STRBP: variants seen among roughly 807,000 people sequenced by gnomAD.
The protein encoded by STRBP is spermatid perinuclear RNA-binding protein.
In STRBP, 13 loss-of-function variants were observed where a neutral mutation model predicts 80.1. The observed-to-expected ratio is 0.16, with a 90% CI of 0.11 to 0.26. The LOEUF (loss-of-function observed/expected upper bound fraction) is 0.26. STRBP is among the 10% of genes least tolerant of loss of function. The pLI, the probability that STRBP is intolerant of heterozygous loss-of-function variation, is 1.00. For missense variants in STRBP, 485 were observed against 815.2 expected (o/e 0.59, Z 4.93); for synonymous variants, 284 against 291.2 (o/e 0.98, Z 0.25).
At chr9:123,196,500 A>G (rs939276604) in intron 2 of STRBP, among the ~76,000 whole-genome samples, 4 of 152,142 alleles carry the variant, frequency 2.6e-5, no homozygotes, top group African/African-American at 9.7e-5. Context: ...CAGATTAATA[A>G]CCAAAATATA....
chr9:123,148,338 C>T (rs931561467), intron 11 of STRBP, among the ~76,000 whole-genome samples: 1 of 152,184 alleles, frequency 6.6e-6, no homozygotes, highest in Admixed American at 6.5e-5. Flanking sequence ...TGAGCCCTCA[C>T]GAGACAGCAA....
intron 2 of STRBP, among the ~76,000 whole-genome samples, chr9:123,214,313 T>C (rs1370870907): frequency 6.6e-6 from 1 of 152,038 alleles, no homozygotes; most frequent in Admixed American, 6.6e-5. Flanking sequence ...TTCTCACTAA[T>C]AAGAGGGAGC....
At chr9:123,238,127 G>T (rs2040609472) in intron 1 of STRBP, among the ~76,000 whole-genome samples, 1 of 152,236 alleles carries the variant, frequency 6.6e-6, no homozygotes, top group Non-Finnish European at 1.5e-5. Flanking sequence ...ATAGCACACA[G>T]CAGTAACAGT....
chr9:123,152,142 GATCCGTA>G (rs1325364482), intron 11 of STRBP, among the ~76,000 whole-genome samples: 2 of 152,106 alleles, frequency 1.3e-5, no homozygotes, highest in Non-Finnish European at 2.9e-5. Flanking sequence ...AAGGGAATCA[GATCCGTA>G]ATTTAAAACA....
intron 3 of STRBP, chr9:123,113,041 G>A (rs1369214850): frequency 6.0e-6 from 1 of 167,086 alleles, no homozygotes; most frequent in Non-Finnish European, 1.5e-5. Context: ...AATAAAGGTG[G>A]GGTGCTCACT....
chr9:123,171,849 TC>T (rs758650186), intron 5 of STRBP, among the ~76,000 whole-genome samples: 1 of 152,202 alleles, frequency 6.6e-6, no homozygotes, highest in Admixed American at 6.5e-5. Context: ...AAAGCTTCAG[TC>T]TCCTAAAATT....
At chr9:123,155,890 G>A (rs925590519) in intron 11 of STRBP, among the ~76,000 whole-genome samples, 1 of 151,728 alleles carries the variant, frequency 6.6e-6, no homozygotes, top group African/African-American at 2.4e-5. Context: ...CAGGAAGCTA[G>A]GTGCTAAAAG....
At chr9:123,155,397 A>G (rs2037238752) in intron 11 of STRBP, among the ~76,000 whole-genome samples, 1 of 152,216 alleles carries the variant, frequency 6.6e-6, no homozygotes, top group South Asian at 2.1e-4. Context: ...TTCTCCAACC[A>G]TGTTGAGCAA....
chr9:123,195,631 C>T (rs962599018), intron 2 of STRBP, among the ~76,000 whole-genome samples: 5 of 151,946 alleles, frequency 3.3e-5, no homozygotes, highest in African/African-American at 7.2e-5. Flanking sequence ...TAGGACTAAA[C>T]GTAGCCAAAG....
At position 123,181,608 on chromosome 9, in the gene STRBP, C is replaced by T. The variant is rs186758976; in HGVS notation, c.4-2381G>A. 1.1e-3 allele frequency among the ~76,000 whole-genome samples: 165 copies of T among 151,724 alleles called. 1 individual carries two copies. Among genetic ancestry groups the T allele is most frequent in the Non-Finnish European group, 1.9e-3 (128 of 67,906 alleles). ...GGTCGGCAGTTCGAGACCAGTCTGA[C>T]CAACATGAAGAAACCTCGTCTCTAC... On this transcript the variant is annotated intron_variant, in intron 3 of 18. Transcript: ENST00000348403.
downstream of STRBP, among the ~76,000 whole-genome samples, chr9:123,117,547 C>T (rs547523841): frequency 2.7e-5 from 4 of 146,928 alleles, no homozygotes; most frequent in Non-Finnish European, 5.9e-5. Flanking sequence ...AAACTCCAGG[C>T]TGGCAGTCTG....
intron 11 of STRBP, among the ~76,000 whole-genome samples, chr9:123,150,787 AC>A: frequency 6.6e-6 from 1 of 151,712 alleles, no homozygotes; most frequent in Non-Finnish European, 1.5e-5. Context: ...GGGCTGGTGA[AC>A]CCCCCACACA....
chr9:123,237,826 C>T (rs926637907), intron 1 of STRBP, among the ~76,000 whole-genome samples: 15 of 152,154 alleles, frequency 9.9e-5, no homozygotes, highest in Non-Finnish European at 2.1e-4. Context: ...GCTTTTAATG[C>T]CTTCACACAA....
chr9:123,195,981 T>C (rs911203585), intron 2 of STRBP, among the ~76,000 whole-genome samples: 3 of 152,160 alleles, frequency 2.0e-5, no homozygotes, highest in African/African-American at 7.2e-5. Flanking sequence ...AAAAACAGCA[T>C]AGTGCTGGCA....
intron 1 of STRBP, among the ~76,000 whole-genome samples, chr9:123,242,315 G>C (rs1319885483): frequency 1.3e-5 from 2 of 152,138 alleles, no homozygotes; most frequent in Admixed American, 6.5e-5. Context: ...GCCTAAAACA[G>C]TGCCTGGCCC....
At chr9:123,197,907 C>A (rs936098173) in intron 2 of STRBP, among the ~76,000 whole-genome samples, 1 of 151,974 alleles carries the variant, frequency 6.6e-6, no homozygotes, top group African/African-American at 2.4e-5. Flanking sequence ...CTCCTGACCT[C>A]AAGTTATCTG....
At chr9:123,132,738 G>T in intron 17 of STRBP, 107 bp downstream of exon 17, 1 of 1,436,216 alleles carries the variant, frequency 7.0e-7, no homozygotes, top group South Asian at 1.4e-5. Flanking sequence ...ATTCATGCCT[G>T]TGTTATATTT....
Position 123,242,104 on chromosome 9 carries a change from TCTC to T in STRBP, c.-301-5141_-301-5139del, listed in dbSNP as rs1296663445. On this transcript the variant is annotated intron_variant, in intron 1 of 18. Transcript: ENST00000348403. The stretch of plus-strand genomic sequence containing the variant: ...GGCTGGCTCTTTCTTGACATTCAGA[TCTC>T]ACCACCACAAACAAATGAGATTTCT... Among the ~76,000 whole-genome samples, 6 of 152,200 alleles carry T rather than the reference TCTC, an allele frequency of 3.9e-5. No individual in the cohort carries two copies. In the East Asian group the frequency reaches 1.2e-3, roughly 29 times the overall value.
At chr9:123,144,911 A>C (rs2036749352) in intron 13 of STRBP, among the ~76,000 whole-genome samples, 2 of 152,104 alleles carry the variant, frequency 1.3e-5, no homozygotes, top group African/African-American at 4.8e-5. Context: ...ATAGCTGATA[A>C]ACCAAATAAA....
Sources: gnomAD v4.1 joint callset for allele counts (sites outside exome capture counted in the v4.1 genomes callset) on GRCh38, gnomAD v4.1.1 for gene constraint, MANE v1.5 for transcripts, NCBI Gene and HGNC (gene_info 2026-07-23, HGNC 2026-07-21) for gene names.